Variants in ANKRD36C observed in about 807,000 individuals in gnomAD.
ANKRD36C encodes ankyrin repeat domain-containing protein 36C.
ANKRD36C carries 61 observed loss-of-function variants against 276.4 expected under a neutral mutation model. The ratio of observed to expected loss-of-function variants is 0.22; its 90% CI spans 0.18 to 0.27. The LOEUF (loss-of-function observed/expected upper bound fraction) is 0.27, where lower values mean the gene tolerates loss of function less well. ANKRD36C is among the 10% of genes least tolerant of loss of function. The pLI is 1.00. For missense variants in ANKRD36C, 1,447 were observed against 2,032.3 expected, an observed-to-expected ratio of 0.71 and a Z score of 5.54; for synonymous variants, 483 against 680.1, an observed-to-expected ratio of 0.71 and a Z score of 4.51.
At chr2:95,879,340 A>C (rs955440764) in intron 58 of ANKRD36C, among the ~76,000 whole-genome samples, 1 of 152,150 alleles carries the variant, frequency 6.6e-6, no homozygotes, top group Non-Finnish European at 1.5e-5. Flanking sequence ...ATGCTTAATA[A>C]GTACAAACTA....
intron 36 of ANKRD36C, 110 bp downstream of exon 38, chr2:95,917,745 T>C (rs1282141739): frequency 4.5e-6 from 6 of 1,339,282 alleles, no homozygotes; most frequent in Admixed American, 2.6e-5. Context: ...TGGATCAGAA[T>C]GTGCAGCTTT....
Position 95,882,321 on chromosome 2 carries a change from G to A in ANKRD36C, c.3348C>T (p.Gly1116=), listed in dbSNP as rs552591173. 1,330 of 1,551,572 alleles carry A rather than the reference G, an allele frequency of 8.6e-4. 1 individual carries two copies. The highest frequency in any genetic ancestry group is 1.1e-3 in the Non-Finnish European group (1,244 of 1,147,994). Residue 1116 remains glycine, a synonymous_variant, in exon 56 of 67, where the codon GGC becomes GGT. Coordinates refer to ENST00000456556, the Ensembl canonical transcript of ANKRD36C. ...AATTACCTGTTCCAGATTTCCAACC[G>A]CCCGTTATTCTTGTGGCAATATTCA...
intron 40 of ANKRD36C, among the ~76,000 whole-genome samples, chr2:95,912,670 C>T (rs181591565): frequency 3.3e-5 from 5 of 151,208 alleles, no homozygotes; most frequent in African/African-American, 9.7e-5. Flanking sequence ...TGTCACGTGT[C>T]GAAACCCAAA....
At chr2:95,928,800 A>ATGC (rs931400716) in intron 26 of ANKRD36C, among the ~76,000 whole-genome samples, 6 of 151,432 alleles carry the variant, frequency 4.0e-5, no homozygotes, top group Admixed American at 3.3e-4. Context: ...AAGCAAAATT[A>ATGC]TGCTGCTCCC....
At chr2:95,862,177 A>G (rs1418648703) in intron 60 of ANKRD36C, among the ~76,000 whole-genome samples, 1 of 152,116 alleles carries the variant, frequency 6.6e-6, no homozygotes, top group East Asian at 1.9e-4. Context: ...TCAATAAGTG[A>G]TAGAACAAGA....
chr2:95,959,694 A>G (rs1444289929), intron 10 of ANKRD36C, among the ~76,000 whole-genome samples: 2 of 152,200 alleles, frequency 1.3e-5, no homozygotes, highest in Non-Finnish European at 2.9e-5. Context: ...TTAAATTGCT[A>G]TTTTGTCCAA....
exon 52 of ANKRD36C, chr2:95,886,052 C>G: frequency 6.2e-7 from 1 of 1,609,468 alleles, no homozygotes; most frequent in East Asian, 2.2e-5. Flanking sequence ...AAATACCTGT[C>G]CCACGTATTT....
intron 48 of ANKRD36C, among the ~76,000 whole-genome samples, chr2:95,888,525 G>C (rs1197028361): frequency 1.3e-5 from 2 of 151,674 alleles, no homozygotes; most frequent in Admixed American, 1.3e-4. Flanking sequence ...CACCATTATA[G>C]TACAAACATT....
At chr2:95,918,776 C>A (rs1475104105) in intron 34 of ANKRD36C, among the ~76,000 whole-genome samples, 4 of 151,158 alleles carry the variant, frequency 2.6e-5, no homozygotes, top group Admixed American at 2.0e-4. Flanking sequence ...ACAAAGTAAA[C>A]CTGCAGCAAG....
chr2:95,921,184 C>T (rs1677257497), intron 34 of ANKRD36C, among the ~76,000 whole-genome samples: 1 of 150,724 alleles, frequency 6.6e-6, no homozygotes, highest in Admixed American at 6.6e-5. Context: ...CCTTAGTTCT[C>T]ATTCTACAGT....
intron 58 of ANKRD36C, among the ~76,000 whole-genome samples, chr2:95,878,265 T>C (rs1675999975): frequency 6.6e-6 from 1 of 152,014 alleles, no homozygotes; most frequent in South Asian, 2.1e-4. Flanking sequence ...TCCACAGACT[T>C]ATTAATAACA....
intron 32 of ANKRD36C, among the ~76,000 whole-genome samples, chr2:95,922,433 A>G (rs1677297379): frequency 6.6e-6 from 1 of 151,546 alleles, no homozygotes. Flanking sequence ...TGTATTCTCT[A>G]GTTTAGCCTT....
chr2:95,965,283 T>C (rs1678565356), intron 6 of ANKRD36C, among the ~76,000 whole-genome samples: 1 of 151,770 alleles, frequency 6.6e-6, no homozygotes, highest in African/African-American at 2.4e-5. Context: ...TTACAGGGTG[T>C]TTTTTCTTCA....
At chr2:95,946,883 G>A (rs1222241271) in intron 17 of ANKRD36C, among the ~76,000 whole-genome samples, 2 of 142,408 alleles carry the variant, frequency 1.4e-5, no homozygotes, top group East Asian at 2.3e-4. Flanking sequence ...ACAGGAAGGG[G>A]AATATCACAC....
At chr2:95,922,043 A>G (rs995578596) in intron 32 of ANKRD36C, among the ~76,000 whole-genome samples, 14 of 151,644 alleles carry the variant, frequency 9.2e-5, no homozygotes, top group African/African-American at 3.4e-4. Context: ...TCGTATATCT[A>G]AAAGAAAAAT....
chr2:95,969,163 T>C (rs1678650930), intron 6 of ANKRD36C, among the ~76,000 whole-genome samples: 1 of 151,954 alleles, frequency 6.6e-6, no homozygotes, highest in Admixed American at 6.6e-5. Flanking sequence ...AGGTGAGGGG[T>C]GGGGCTGGAA....
intron 36 of ANKRD36C, among the ~76,000 whole-genome samples, chr2:95,916,886 A>C (rs1305300673): frequency 6.6e-6 from 1 of 151,696 alleles, no homozygotes; most frequent in Non-Finnish European, 1.5e-5. Flanking sequence ...CAATTTTGAC[A>C]TACGTATACA....
intron 46 of ANKRD36C, 137 bp from the exon 67 acceptor site, chr2:95,890,131 G>A (rs1676304875): frequency 8.3e-7 from 1 of 1,198,882 alleles, no homozygotes. Flanking sequence ...TATTGTGTCG[G>A]GGACAAGAAC....
chr2:95,989,979 A>G (rs1447504823), intron 1 of ANKRD36C, among the ~76,000 whole-genome samples: 2 of 152,154 alleles, frequency 1.3e-5, no homozygotes, highest in Non-Finnish European at 2.9e-5. Flanking sequence ...AATGAAAATC[A>G]CTTTTTTATC....
Sources: allele counts gnomAD v4.1 joint callset (sites outside exome capture counted in the v4.1 genomes callset), GRCh38; gene constraint gnomAD v4.1.1; transcripts MANE v1.5; gene names NCBI Gene and HGNC (gene_info 2026-07-23, HGNC 2026-07-21).